Variants in KCNK10 observed in about 807,000 individuals in gnomAD.
The protein encoded by KCNK10 is potassium channel subfamily K member 10.
In KCNK10, 25 loss-of-function variants were observed where a neutral mutation model predicts 47.7. That is an observed-to-expected ratio of 0.52 (90% confidence interval 0.38 to 0.73). The LOEUF is 0.73. Among genes scored for constraint, KCNK10 ranks in the 30% least tolerant of loss-of-function variants. The pLI is 0.00. For missense variants in KCNK10, 563 were observed against 714.5 expected, an observed-to-expected ratio of 0.79 and a Z score of 2.42; for synonymous variants, 303 against 285.6, an observed-to-expected ratio of 1.06 and a Z score of -0.61.
rs35179933 is a variant in KCNK10 at position 88,322,408 on chromosome 14, G to GACACACACACACAC, written c.52+325_52+338dup. On this transcript the variant is annotated intron_variant, in intron 1 of 6. Transcript: ENST00000319231. The surrounding 1 kb of genome is among the most constrained non-coding windows in gnomAD (Gnocchi z 4.8). ...GAGACAAAGATCACCAGAAACAAAG[G>GACACACACACACAC]ACACACACACACACACACACACACA... 1.3e-5 allele frequency among the ~76,000 whole-genome samples: 2 copies of GACACACACACACAC among 150,034 alleles called. No homozygotes were observed. The highest frequency in any genetic ancestry group is 2.5e-5 in the African/African-American group (1 of 40,658).
intron 3 of KCNK10, chr14:88,234,934 G>T (rs1566696157): frequency 5.8e-6 from 2 of 345,498 alleles, no homozygotes; most frequent in Non-Finnish European, 1.1e-5. Flanking sequence ...TGATGACAGG[G>T]CCCTAAAGTG....
chr14:88,270,098 C>T (rs955615389), intron 1 of KCNK10, among the ~76,000 whole-genome samples: 8 of 152,268 alleles, frequency 5.3e-5, no homozygotes, highest in South Asian at 4.2e-4. Flanking sequence ...CACCTCCCCC[C>T]TCCCCGCAGC....
At chr14:88,309,768 T>C (rs1377152394) in intron 1 of KCNK10, among the ~76,000 whole-genome samples, 1 of 152,160 alleles carries the variant, frequency 6.6e-6, no homozygotes, top group African/African-American at 2.4e-5. Context: ...CCAATCTAGA[T>C]TCAGTATTGC....
At chr14:88,203,054 G>C (rs532619905) in intron 4 of KCNK10, among the ~76,000 whole-genome samples, 53 of 152,312 alleles carry the variant, frequency 3.5e-4, no homozygotes, top group African/African-American at 1.2e-3. Context: ...GGCAGGAGCA[G>C]ACATATCTTG....
chr14:88,210,613 G>C (rs1052191082), intron 4 of KCNK10, among the ~76,000 whole-genome samples: 2 of 152,146 alleles, frequency 1.3e-5, no homozygotes, highest in African/African-American at 4.8e-5. Context: ...CAGGGCCCAA[G>C]CTGACGAGTA....
rs529750560 is a variant in KCNK10 at position 88,196,692 on chromosome 14, G to C, written c.682-4282C>G. Among the ~76,000 whole-genome samples, 3 of 152,276 alleles carry C rather than the reference G, an allele frequency of 2.0e-5. No individual in the cohort carries two copies. The South Asian group carries it at 6.2e-4, about 32-fold the overall frequency. ...CTGCGGTAAAAATCCTAAGACAGAA[G>C]CTAAACATGCAGAGCTCAGTTTACG... is the stretch of plus-strand genomic sequence containing the variant. On this transcript the variant is annotated intron_variant, in intron 4 of 6. Transcript: ENST00000319231.
intron 3 of KCNK10, among the ~76,000 whole-genome samples, chr14:88,233,110 A>G (rs138184311): frequency 0.019 from 2,940 of 152,314 alleles, 46 homozygotes; most frequent in Non-Finnish European, 0.03. Context: ...CAGGTAATAG[A>G]AAGCTCAACG....
chr14:88,239,147 G>A (rs900891285), intron 3 of KCNK10, among the ~76,000 whole-genome samples: 1 of 151,990 alleles, frequency 6.6e-6, no homozygotes, highest in Non-Finnish European at 1.5e-5. Flanking sequence ...ACACGACGTT[G>A]GAAAAATGGC....
At chr14:88,245,054 C>T (rs1886591472) in intron 2 of KCNK10, among the ~76,000 whole-genome samples, 1 of 152,200 alleles carries the variant, frequency 6.6e-6, no homozygotes, top group South Asian at 2.1e-4. Flanking sequence ...GCATTTCCAG[C>T]ACCCACTCAG....
intron 3 of KCNK10, among the ~76,000 whole-genome samples, chr14:88,236,877 T>C (rs912000976): frequency 6.6e-6 from 1 of 152,196 alleles, no homozygotes; most frequent in African/African-American, 2.4e-5. Flanking sequence ...GGGTCTTCCT[T>C]TGATGTTGAT....
chr14:88,297,968 C>T (rs946372501), intron 1 of KCNK10, among the ~76,000 whole-genome samples: 1 of 152,212 alleles, frequency 6.6e-6, no homozygotes, highest in Non-Finnish European at 1.5e-5. Context: ...GTTATGCGTT[C>T]ATCTGCTCTT....
At chr14:88,201,375 G>C (rs11620778) in intron 4 of KCNK10, among the ~76,000 whole-genome samples, 30,498 of 152,114 alleles carry the variant, frequency 0.2, 3,389 homozygotes, top group East Asian at 0.43. Context: ...GGACTACACT[G>C]GGCCAGGCAC....
chr14:88,214,754 C>T (rs1285064324), intron 4 of KCNK10, among the ~76,000 whole-genome samples: 3 of 152,136 alleles, frequency 2.0e-5, no homozygotes, highest in Admixed American at 2.0e-4. Flanking sequence ...TGATGCAATT[C>T]AACACACTGA....
chr14:88,215,020 C>T (rs1885574004), intron 4 of KCNK10, among the ~76,000 whole-genome samples: 1 of 152,188 alleles, frequency 6.6e-6, no homozygotes, highest in Non-Finnish European at 1.5e-5. Flanking sequence ...CATTTATGGG[C>T]TGTGTGACCT....
chr14:88,320,931 C>A (rs1888533319), intron 1 of KCNK10, among the ~76,000 whole-genome samples: 1 of 152,184 alleles, frequency 6.6e-6, no homozygotes, highest in African/African-American at 2.4e-5. Flanking sequence ...CCTGTGGATC[C>A]CCCAGTCATA....
intron 2 of KCNK10, among the ~76,000 whole-genome samples, chr14:88,252,043 A>G (rs920007959): frequency 2.0e-5 from 3 of 152,186 alleles, no homozygotes; most frequent in South Asian, 2.1e-4. Flanking sequence ...CCCACTGTCT[A>G]TAAGTAGGGT....
At position 88,322,780 on chromosome 14, in the gene KCNK10, T is replaced by C. The variant is rs1269246523; in HGVS notation, c.19A>G (p.Thr7Ala). 3.7e-6 allele frequency: 6 copies of C among 1,613,938 alleles called. No homozygotes were observed. Among genetic ancestry groups the C allele is most frequent in the African/African-American group, 1.3e-5 (1 of 74,876 alleles). The change falls in exon 1 of 7, where the codon ACG (threonine) becomes GCG (alanine). Residue 7 changes from threonine to alanine, a missense_variant. Transcript: ENST00000319231. This position sits in a 1 kb window ranked among gnomAD's most constrained non-coding sequence, Gnocchi z 4.8. The stretch of plus-strand genomic sequence containing the variant: ...TCCCAGTTCACCTGTTTTCTTGGCG[T>C]CTCGATTGGAAATTTCATTGCTTCG... MKFPIE[T>A]PRKQVNWDPK...
intron 4 of KCNK10, among the ~76,000 whole-genome samples, chr14:88,198,917 T>TTTATTTTATTTTATTTTATTTTA (rs1271872678): frequency 6.7e-6 from 1 of 149,658 alleles, no homozygotes; most frequent in Non-Finnish European, 1.5e-5. Flanking sequence ...TTTATTTTAT[T>TTTATTTTATTTTATTTTATTTTA]TTATTTTATT....
intron 4 of KCNK10, among the ~76,000 whole-genome samples, chr14:88,200,771 G>A (rs527267319): frequency 7.9e-5 from 12 of 152,238 alleles, no homozygotes; most frequent in Non-Finnish European, 1.5e-4. Context: ...TAACTTCACC[G>A]GTGAGTAAAA....
Sources: allele counts gnomAD v4.1 joint callset (sites outside exome capture counted in the v4.1 genomes callset), GRCh38; gene constraint gnomAD v4.1.1; non-coding constraint Gnocchi (gnomAD v3.1); transcripts MANE v1.5; gene names NCBI Gene and HGNC (gene_info 2026-07-23, HGNC 2026-07-21).